CALCOCO2: variants seen among roughly 807,000 people sequenced by gnomAD.
CALCOCO2 encodes calcium binding and coiled-coil domain 2.
Under a neutral mutation model 62.5 loss-of-function variants are expected in CALCOCO2, and 42 were observed. That is an observed-to-expected ratio of 0.67 (90% CI 0.53 to 0.87). The LOEUF is 0.87. Ranked by LOEUF, CALCOCO2 falls within the 40% of genes least tolerant of loss-of-function variation. The pLI is 0.00. For synonymous variants in CALCOCO2, 167 were observed against 173.0 expected, an observed-to-expected ratio of 0.97 and a Z score of 0.27; for missense variants, 456 against 515.0, an observed-to-expected ratio of 0.89 and a Z score of 1.11.
chr17:48,849,707 T>C (rs1160896553), intron 5 of CALCOCO2, among the ~76,000 whole-genome samples: 3 of 151,984 alleles, frequency 2.0e-5, no homozygotes, highest in Non-Finnish European at 2.9e-5. Context: ...TTTTACCATG[T>C]TGGCCAGGCT....
rs760280994 is a variant in CALCOCO2 at position 48,860,377 on chromosome 17, T to G, written c.1072T>G (p.Tyr358Asp). The change falls in exon 11 of 13, where the codon TAT (tyrosine) becomes GAT (aspartate). Residue 358 changes from tyrosine to aspartate, a missense_variant. Transcript: ENST00000258947. ...YMGLDFNSLP[Y>D]QVPTSDEGGA... ...GGGTCTGGATTTTAATTCTTTGCCG[T>G]ATCAAGTACCTACTTCAGATGAAGG... The G allele has an allele frequency of 6.2e-7, 1 of 1,613,504 alleles. No individual in the cohort carries two copies. The highest frequency in any genetic ancestry group is 1.3e-5 in the African/African-American group (1 of 74,918).
At chr17:48,861,661 G>GTGTATATATATATA (rs573456839) in intron 11 of CALCOCO2, among the ~76,000 whole-genome samples, 1 of 135,158 alleles carries the variant, frequency 7.4e-6, no homozygotes, top group Admixed American at 7.3e-5. Context: ...ATGTGTGTGT[G>GTGTATATATATATA]TATATATATA....
At chr17:48,842,650 T>C (rs2143595838) in intron 2 of CALCOCO2, 1 of 152,086 alleles carries the variant, frequency 6.6e-6, no homozygotes, top group South Asian at 2.1e-4. Context: ...TTCTTTCTTT[T>C]TTTTTTTTTC....
chr17:48,859,965 G>A (rs539365850), intron 10 of CALCOCO2, among the ~76,000 whole-genome samples: 1 of 152,184 alleles, frequency 6.6e-6, no homozygotes, highest in East Asian at 1.9e-4. Context: ...GTGGTAGTGG[G>A]TGCCTGTAAT....
intron 2 of CALCOCO2, chr17:48,846,077 C>G: frequency 2.1e-6 from 3 of 1,442,314 alleles, no homozygotes; most frequent in Non-Finnish European, 2.8e-6. Flanking sequence ...ACCCCAGACA[C>G]TGGTAGTATC....
chr17:48,834,098 C>A (rs1344354144), intron 1 of CALCOCO2, among the ~76,000 whole-genome samples: 2 of 118,232 alleles, frequency 1.7e-5, no homozygotes, highest in African/African-American at 6.6e-5. Flanking sequence ...GCCTGCAAGA[C>A]CCTATGTCAA....
At chr17:48,845,320 G>GGT (rs55686005) in intron 2 of CALCOCO2, among the ~76,000 whole-genome samples, 66,112 of 136,960 alleles carry the variant, frequency 0.48, 18,190 homozygotes, top group Non-Finnish European at 0.62. Flanking sequence ...CTATGTTGAG[G>GGT]GTGTGTGTGT....
At chr17:48,843,908 G>C (rs534447054) in intron 2 of CALCOCO2, 6 of 152,362 alleles carry the variant, frequency 3.9e-5, no homozygotes, top group African/African-American at 7.2e-5. Context: ...TTTAGAGACA[G>C]AGTTTCGTTC....
chr17:48,857,172 A>C, intron 10 of CALCOCO2, among the ~76,000 whole-genome samples: 1 of 146,970 alleles, frequency 6.8e-6, no homozygotes. Context: ...CTGTATCTAT[A>C]CTTCCATCAA....
chr17:48,846,733 GA>G (rs1567753325), intron 2 of CALCOCO2, among the ~76,000 whole-genome samples: 1 of 152,118 alleles, frequency 6.6e-6, no homozygotes, highest in Non-Finnish European at 1.5e-5. Flanking sequence ...ATGTTCTGAT[GA>G]GTTTTTGGTA....
rs370891823 is a variant in CALCOCO2, at chr17:48,852,497, T to G, written c.703-9T>G. On this transcript the variant is annotated splice_polypyrimidine_tract_variant and intron_variant, in intron 7 of 12. Coordinates refer to ENST00000258947, the MANE Select transcript of CALCOCO2 (RefSeq NM_005831.5). ...TATATCTTGGTTATGTTCACTATTT[T>G]TGTTTTAGGCCCAGCTGTCAACTCA... is the stretch of plus-strand genomic sequence containing the variant. 5.0e-6 allele frequency: 8 copies of G among 1,610,406 alleles called. No homozygotes were observed. Among genetic ancestry groups the G allele is most frequent in the Non-Finnish European group, 5.9e-6 (7 of 1,178,340 alleles).
intron 7 of CALCOCO2, 156 bp from the exon 8 acceptor site, chr17:48,852,346 TAAAG>T (rs2040145617): frequency 6.6e-6 from 4 of 609,682 alleles, no homozygotes; most frequent in Non-Finnish European, 1.2e-5. Context: ...AGCTATGCCT[TAAAG>T]AGGTGCTTTA....
At position 48,841,857 on chromosome 17, in the gene CALCOCO2, T is replaced by G. The variant is rs138961879; in HGVS notation, c.150T>G (p.Pro50=). ...CHYTFTQHFI[P]RRKDWIGIFR... ...ATACCTTCACCCAGCATTTCATCCC[T>G]CGTCGAAAGGATTGGATTGGCATCT... Residue 50 remains proline, a synonymous_variant, in exon 2 of 13, where the codon CCT becomes CCG. Transcript: ENST00000258947. 6.2e-7 allele frequency: 1 copy of G among 1,612,954 alleles called. No individual in the cohort carries two copies. Among genetic ancestry groups the G allele is most frequent in the African/African-American group, 1.3e-5 (1 of 75,014 alleles).
chr17:48,838,343 C>T (rs867761218), intron 1 of CALCOCO2, among the ~76,000 whole-genome samples: 2 of 151,962 alleles, frequency 1.3e-5, no homozygotes, highest in Admixed American at 6.6e-5. Context: ...GGTGTGGCGC[C>T]GGGCTGTCTG....
chr17:48,848,277 C>T (rs563187717), intron 3 of CALCOCO2, 45 bp from the exon 4 acceptor site: 2 of 1,598,838 alleles, frequency 1.3e-6, no homozygotes, highest in Non-Finnish European at 1.7e-6. Context: ...TTTTACTTTT[C>T]TGAATAGATC....
At chr17:48,858,057 A>AATAGAATAGAATAGAATAGG (rs1567759599) in intron 10 of CALCOCO2, among the ~76,000 whole-genome samples, 4 of 139,610 alleles carry the variant, frequency 2.9e-5, no homozygotes, top group African/African-American at 1.1e-4. Flanking sequence ...AATAGAATAG[A>AATAGAATAGAATAGAATAGG]ATAGAATAGA....
intron 1 of CALCOCO2, among the ~76,000 whole-genome samples, chr17:48,832,113 CT>C (rs1456612402): frequency 6.6e-6 from 1 of 152,264 alleles, no homozygotes; most frequent in Non-Finnish European, 1.5e-5. Context: ...ATTTGGCTGA[CT>C]AGGCGCGGTG....
At chr17:48,854,382 T>TTATATATATATATATATATATATATA (rs201839175) in intron 9 of CALCOCO2, among the ~76,000 whole-genome samples, 1 of 5,998 alleles carries the variant, frequency 1.7e-4, no homozygotes, top group African/African-American at 2.7e-4. Context: ...TTTCTTTTAT[T>TTATATATATATATATATATATATATA]TATATATATA....
chr17:48,860,186 C>T (rs2040307512), intron 10 of CALCOCO2, 128 bp from the exon 11 acceptor site: 1 of 659,788 alleles, frequency 1.5e-6, no homozygotes, highest in Non-Finnish European at 2.7e-6. Context: ...TATGGATTAT[C>T]AATTATTGAG....
Sources: gnomAD v4.1 joint callset for allele counts (sites outside exome capture counted in the v4.1 genomes callset) on GRCh38, gnomAD v4.1.1 for gene constraint, MANE v1.5 for transcripts, NCBI Gene and HGNC (gene_info 2026-07-23, HGNC 2026-07-21) for gene names.